The following SNX30 variants were observed in gnomAD, a reference collection of about 807,000 sequenced individuals.
SNX30 encodes the protein sorting nexin family member 30.
A neutral mutation model predicts 46.4 loss-of-function variants in SNX30; 24 were observed. That is an observed-to-expected ratio of 0.52 (90% CI 0.37 to 0.73). SNX30 has a LOEUF of 0.73. Ranked by LOEUF, SNX30 falls within the 30% of genes least tolerant of loss-of-function variation. The pLI is 0.00. For synonymous variants in SNX30, 189 were observed against 211.5 expected (o/e 0.89, Z 0.92); for missense variants, 533 against 555.7 (o/e 0.96, Z 0.41).
chr9:112,758,353 A>G (rs1379790773), intron 1 of SNX30, among the ~76,000 whole-genome samples: 1 of 151,502 alleles, frequency 6.6e-6, no homozygotes, highest in Admixed American at 6.6e-5. Flanking sequence ...TTTTTGAGAC[A>G]GTATCTGGCT....
rs560621885 is a variant in SNX30 at position 112,786,098 on chromosome 9, C to G, written c.157-18678C>G. 3.4e-5 allele frequency among the ~76,000 whole-genome samples: 5 copies of G among 148,154 alleles called. No individual in the cohort carries two copies. The Admixed American group carries it at 3.4e-4, about 10-fold the overall frequency. On this transcript the variant is annotated intron_variant, in intron 1 of 8. Coordinates refer to ENST00000374232, the MANE Select transcript of SNX30 (RefSeq NM_001012994.2). ...TGGATACCCTGTAGTTGCTGCTGTA[C>G]TAACATGTAGGAGCTGTCCTTTTTT...
intron 1 of SNX30, among the ~76,000 whole-genome samples, chr9:112,786,362 C>T (rs546361657): frequency 7.4e-4 from 112 of 152,274 alleles, no homozygotes; most frequent in South Asian, 3.3e-3. Context: ...CTCAAGTGAT[C>T]TGCCTGCTGT....
chr9:112,772,704 T>C (rs1013369915), intron 1 of SNX30, among the ~76,000 whole-genome samples: 22 of 152,334 alleles, frequency 1.4e-4, no homozygotes, highest in African/African-American at 3.4e-4. Flanking sequence ...TAAAGATACA[T>C]TGCAGTATCC....
Position 112,804,431 on chromosome 9 carries a change from C to G in SNX30, c.157-345C>G, listed in dbSNP as rs572059950. On this transcript the variant is annotated intron_variant, in intron 1 of 8. Coordinates refer to ENST00000374232, the MANE Select transcript of SNX30 (RefSeq NM_001012994.2). ...CCACCTGTCTCGGCCTCCCAAAGTG[C>G]TGGGATTACAGGCGTGAGCCACTGC... Among the ~76,000 whole-genome samples, 15 of 152,330 alleles carry G rather than the reference C, an allele frequency of 9.8e-5. No homozygotes were observed. In the South Asian group the frequency reaches 1.5e-3, roughly 15 times the overall value.
intron 1 of SNX30, among the ~76,000 whole-genome samples, chr9:112,784,820 G>A (rs549198375): frequency 8.6e-4 from 131 of 152,166 alleles, no homozygotes; most frequent in Non-Finnish European, 1.6e-3. Flanking sequence ...AGCCTTCCTC[G>A]GAGAACAGAA....
intron 1 of SNX30, among the ~76,000 whole-genome samples, chr9:112,783,831 C>A (rs935834169): frequency 4.6e-5 from 7 of 152,182 alleles, no homozygotes; most frequent in African/African-American, 1.7e-4. Context: ...AATCAGGTAT[C>A]ACTGAAGCAA....
intron 2 of SNX30, among the ~76,000 whole-genome samples, chr9:112,811,537 T>C (rs1207705477): frequency 6.6e-6 from 1 of 152,070 alleles, no homozygotes; most frequent in Non-Finnish European, 1.5e-5. Context: ...TGCTGGGTCT[T>C]CTAAAATGTT....
intron 3 of SNX30, 113 bp downstream of exon 3, chr9:112,817,928 A>G (rs548726817): frequency 5.4e-5 from 39 of 718,288 alleles, no homozygotes; most frequent in Admixed American, 1.1e-4. Flanking sequence ...GCAAACATAT[A>G]TAAAACATGT....
intron 8 of SNX30, among the ~76,000 whole-genome samples, chr9:112,868,336 G>A (rs1030631078): frequency 6.6e-6 from 1 of 152,098 alleles, no homozygotes; most frequent in Non-Finnish European, 1.5e-5. Flanking sequence ...CTTTCCACCC[G>A]CTCCAAGTCA....
intron 2 of SNX30, among the ~76,000 whole-genome samples, chr9:112,809,722 G>A (rs1286449172): frequency 1.3e-5 from 2 of 152,150 alleles, no homozygotes; most frequent in Admixed American, 1.3e-4. Flanking sequence ...TGTGGTGTGA[G>A]CAGTTTCATT....
At chr9:112,791,644 C>T (rs1243901345) in intron 1 of SNX30, among the ~76,000 whole-genome samples, 1 of 151,760 alleles carries the variant, frequency 6.6e-6, no homozygotes, top group African/African-American at 2.4e-5. Context: ...TCTTTGACCT[C>T]GTGATCCACC....
At chr9:112,778,865 A>AG (rs1796287189) in intron 1 of SNX30, among the ~76,000 whole-genome samples, 1 of 133,962 alleles carries the variant, frequency 7.5e-6, no homozygotes. Flanking sequence ...TGAAAGAGCT[A>AG]GGTACAGGGG....
intron 3 of SNX30, among the ~76,000 whole-genome samples, chr9:112,828,037 G>C (rs1459735417): frequency 6.6e-6 from 1 of 152,172 alleles, no homozygotes; most frequent in Non-Finnish European, 1.5e-5. Flanking sequence ...CAGGAGAGTA[G>C]GTGGACAATT....
intron 1 of SNX30, among the ~76,000 whole-genome samples, chr9:112,763,798 A>G (rs2935476): frequency 0.88 from 132,752 of 150,856 alleles, 58,525 homozygotes; most frequent in Middle Eastern, 0.91. Context: ...GCAGTGAGCC[A>G]AGATTGTGCC....
At chr9:112,834,540 G>A (rs1840717757) in intron 4 of SNX30, among the ~76,000 whole-genome samples, 1 of 152,144 alleles carries the variant, frequency 6.6e-6, no homozygotes, top group Non-Finnish European at 1.5e-5. Context: ...CCTGGGTGTA[G>A]CACCCTTCAG....
intron 7 of SNX30, among the ~76,000 whole-genome samples, chr9:112,860,192 C>T (rs1007776269): frequency 9.2e-5 from 14 of 151,722 alleles, no homozygotes; most frequent in African/African-American, 2.7e-4. Flanking sequence ...GTGATCTGCC[C>T]GCCTCAGGCT....
At chr9:112,829,163 A>G (rs1840623196) in intron 3 of SNX30, among the ~76,000 whole-genome samples, 1 of 152,220 alleles carries the variant, frequency 6.6e-6, no homozygotes. Flanking sequence ...GTTGATGGAC[A>G]TTTGGATTGC....
intron 1 of SNX30, among the ~76,000 whole-genome samples, chr9:112,794,718 C>G (rs1251552486): frequency 1.3e-5 from 2 of 152,144 alleles, no homozygotes; most frequent in Non-Finnish European, 2.9e-5. Context: ...CTTCATAAAT[C>G]ATATGTTTAA....
chr9:112,848,884 C>T (rs1166198952), intron 6 of SNX30, among the ~76,000 whole-genome samples: 4 of 152,296 alleles, frequency 2.6e-5, no homozygotes, highest in East Asian at 1.9e-4. Context: ...CCCCACCCCT[C>T]GTAGTCCCAG....
Sources: gnomAD v4.1 joint callset for allele counts (sites outside exome capture counted in the v4.1 genomes callset) on GRCh38, gnomAD v4.1.1 for gene constraint, MANE v1.5 for transcripts, NCBI Gene and HGNC (gene_info 2026-07-23, HGNC 2026-07-21) for gene names.